CEP112: variants seen among roughly 807,000 people sequenced by gnomAD.
CEP112 encodes centrosomal protein 112.
CEP112 carries 127 observed loss-of-function variants against 153.0 expected under a neutral mutation model. That is an observed-to-expected ratio of 0.83 (90% confidence interval 0.72 to 0.96). CEP112 has a LOEUF of 0.96. Among genes scored for constraint, CEP112 ranks in the 40% least tolerant of loss-of-function variants. CEP112 has a pLI of 0.00. For missense variants in CEP112, 1,089 were observed against 1,101.2 expected, an observed-to-expected ratio of 0.99 and a Z score of 0.16; for synonymous variants, 358 against 374.4, an observed-to-expected ratio of 0.96 and a Z score of 0.51.
intron 18 of CEP112, among the ~76,000 whole-genome samples, chr17:65,929,476 TTGTAC>T (rs1191079703): frequency 6.6e-6 from 1 of 152,208 alleles, no homozygotes; most frequent in East Asian, 1.9e-4. Context: ...AGCATCACCT[TTGTAC>T]TGAGACCTTC....
At chr17:65,808,179 T>C (rs558725162) in intron 21 of CEP112, among the ~76,000 whole-genome samples, 48 of 152,278 alleles carry the variant, frequency 3.2e-4, no homozygotes, top group Middle Eastern at 3.4e-3. Context: ...CCCTGTTGGG[T>C]TTTGGACTTG....
chr17:66,125,479 G>A (rs550430900), intron 6 of CEP112, among the ~76,000 whole-genome samples: 1 of 152,046 alleles, frequency 6.6e-6, no homozygotes, highest in Non-Finnish European at 1.5e-5. Flanking sequence ...TCATGCCACT[G>A]CACTTTAGCC....
chr17:66,121,958 G>A (rs1323547267), intron 6 of CEP112, among the ~76,000 whole-genome samples: 2 of 151,882 alleles, frequency 1.3e-5, no homozygotes, highest in East Asian at 1.9e-4. Flanking sequence ...GCAATGGTGC[G>A]ATCTCGGCTC....
intron 21 of CEP112, among the ~76,000 whole-genome samples, chr17:65,794,406 CCTT>C (rs1461772701): frequency 6.6e-6 from 1 of 152,028 alleles, no homozygotes; most frequent in South Asian, 2.1e-4. Flanking sequence ...GCTGCTTTCT[CCTT>C]CTTTCCTTTC....
chr17:65,667,414 C>T (rs558194385), intron 24 of CEP112, among the ~76,000 whole-genome samples: 1 of 152,166 alleles, frequency 6.6e-6, no homozygotes, highest in South Asian at 2.1e-4. Flanking sequence ...AGTAAAATGA[C>T]ATATTCTGAG....
intron 15 of CEP112, 29 bp downstream of exon 15, chr17:66,028,284 G>T (rs1437066668): frequency 1.5e-6 from 2 of 1,328,858 alleles, no homozygotes; most frequent in Non-Finnish European, 2.1e-6. Context: ...TTTGACCATT[G>T]TTCTTCTGTG....
intron 21 of CEP112, among the ~76,000 whole-genome samples, chr17:65,774,588 G>C (rs2053570790): frequency 6.6e-6 from 1 of 152,214 alleles, no homozygotes; most frequent in Non-Finnish European, 1.5e-5. Flanking sequence ...CACGGATGTA[G>C]CCAAAATAAT....
rs766679652 is a variant in CEP112 at position 66,069,901 on chromosome 17, G to A, written c.855+14C>T. On this transcript the variant is annotated intron_variant, in intron 9 of 26. Transcript: ENST00000535342. ...AGTGTTCAATATAATTAAAACACGA[G>A]ATATATATCCTACCTTCTGAACATC... 1.4e-6 allele frequency: 2 copies of A among 1,470,746 alleles called. No homozygotes were observed. Among genetic ancestry groups the A allele is most frequent in the Admixed American group, 1.8e-5 (1 of 56,278 alleles). The allele number at this position is 1,470,746 out of a possible 1,614,324, so 91.1% of individuals were successfully genotyped here. A position where few individuals can be genotyped will look rare whatever the true frequency, so the allele number is the denominator to read the frequency against.
intron 19 of CEP112, among the ~76,000 whole-genome samples, chr17:65,919,684 G>C (rs2060630126): frequency 6.6e-6 from 1 of 152,056 alleles, no homozygotes; most frequent in Admixed American, 6.6e-5. Flanking sequence ...ACTGCAGTAA[G>C]ACAGCCCCCG....
chr17:65,888,756 G>A (rs1440678619), intron 20 of CEP112, among the ~76,000 whole-genome samples: 1 of 152,180 alleles, frequency 6.6e-6, no homozygotes, highest in African/African-American at 2.4e-5. Context: ...GCACAGTAAA[G>A]TATGTGGGGT....
Position 65,869,234 on chromosome 17 carries a change from C to T in CEP112, c.2164-17200G>A, listed in dbSNP as rs1324678793. On this transcript the variant is annotated intron_variant, in intron 20 of 26. Coordinates refer to ENST00000535342, the MANE Select transcript of CEP112 (RefSeq NM_001199165.4). Reference sequence around the variant, plus strand: ...ATTTAGAAATACAGCCAGCAGATTACCTTTAAAATGATTCAAAAATTGTTC... The same window carrying T: ...ATTTAGAAATACAGCCAGCAGATTATCTTTAAAATGATTCAAAAATTGTTC... Among the ~76,000 whole-genome samples the T allele has an allele frequency of 3.9e-5, 6 of 152,298 alleles. No individual in the cohort carries two copies. The East Asian group carries it at 1.2e-3, about 29-fold the overall frequency.
intron 21 of CEP112, among the ~76,000 whole-genome samples, chr17:65,759,333 G>A (rs1410217750): frequency 6.6e-6 from 1 of 151,876 alleles, no homozygotes; most frequent in Admixed American, 6.6e-5. Context: ...CTTTTACTTT[G>A]CGGACTCAAC....
At chr17:65,876,257 A>G (rs569451209) in intron 20 of CEP112, among the ~76,000 whole-genome samples, 1 of 152,326 alleles carries the variant, frequency 6.6e-6, no homozygotes, top group African/African-American at 2.4e-5. Context: ...CAACCTCCAA[A>G]GAAATGCAGA....
Position 66,134,185 on chromosome 17 carries a change from C to A in CEP112, c.471-1422G>T, listed in dbSNP as rs141155395. 3.4e-3 allele frequency among the ~76,000 whole-genome samples: 512 copies of A among 152,212 alleles called. 5 individuals carry two copies. Among genetic ancestry groups the A allele is most frequent in the African/African-American group, 0.012 (500 of 41,538 alleles). ...TGAAAAATGCTTAAATATTAAAATT[C>A]TTCTCATAAAAAAATACTAATTTAA... On this transcript the variant is annotated intron_variant, in intron 4 of 26. Coordinates refer to ENST00000535342, the MANE Select transcript of CEP112 (RefSeq NM_001199165.4).
At chr17:65,689,674 C>G (rs1415108556) in intron 23 of CEP112, among the ~76,000 whole-genome samples, 1 of 152,040 alleles carries the variant, frequency 6.6e-6, no homozygotes, top group African/African-American at 2.4e-5. Context: ...ATTATAGCAG[C>G]CTTAAAGGAA....
intron 18 of CEP112, among the ~76,000 whole-genome samples, chr17:65,939,619 C>CA (rs1433042211): frequency 6.6e-6 from 1 of 151,954 alleles, no homozygotes; most frequent in African/African-American, 2.4e-5. Context: ...ATAAAGGTGC[C>CA]AAAATCACAC....
At chr17:65,872,140 C>G (rs1300881307) in intron 20 of CEP112, among the ~76,000 whole-genome samples, 1 of 152,046 alleles carries the variant, frequency 6.6e-6, no homozygotes, top group Non-Finnish European at 1.5e-5. Context: ...ATATAAAATA[C>G]ATAATTGTTA....
intron 23 of CEP112, among the ~76,000 whole-genome samples, chr17:65,712,460 T>C (rs1388977071): frequency 6.6e-6 from 1 of 151,574 alleles, no homozygotes; most frequent in African/African-American, 2.4e-5. Flanking sequence ...ATTGCTTATA[T>C]CTCAGGCAGA....
chr17:66,075,440 T>C (rs1168657528), intron 8 of CEP112, among the ~76,000 whole-genome samples: 3 of 151,778 alleles, frequency 2.0e-5, no homozygotes, highest in African/African-American at 7.3e-5. Context: ...AAAGGGAAAG[T>C]ATAGCCAAGA....
Sources: allele counts gnomAD v4.1 joint callset (sites outside exome capture counted in the v4.1 genomes callset), GRCh38; gene constraint gnomAD v4.1.1; transcripts MANE v1.5; gene names NCBI Gene and HGNC (gene_info 2026-07-23, HGNC 2026-07-21).